Variants in TTC6 observed in about 807,000 individuals in gnomAD.
TTC6 encodes the protein tetratricopeptide repeat protein 6.
A neutral mutation model predicts 210.4 loss-of-function variants in TTC6; 172 were observed. The observed-to-expected ratio is 0.82, with a 90% CI of 0.72 to 0.93. The LOEUF is 0.93. TTC6 is among the 40% of genes least tolerant of loss of function. TTC6 has a pLI of 0.00. For synonymous variants in TTC6, 804 were observed against 819.6 expected, an observed-to-expected ratio of 0.98 and a Z score of 0.32; for missense variants, 2,414 against 2,318.1, an observed-to-expected ratio of 1.04 and a Z score of -0.85.
chr14:37,731,657 T>C (rs1260586425), intron 7 of TTC6, among the ~76,000 whole-genome samples: 1 of 152,228 alleles, frequency 6.6e-6, no homozygotes, highest in Non-Finnish European at 1.5e-5. Context: ...GTCAAAACTT[T>C]CAGTAACGAA....
chr14:37,622,082 A>T, exon 1 of TTC6: 1 of 1,530,048 alleles, frequency 6.5e-7, no homozygotes, highest in Non-Finnish European at 8.7e-7. Context: ...CAATCCCGAG[A>T]CACTTTGGCC....
rs1464251414 is a variant in TTC6 at position 37,753,088 on chromosome 14, T to C, written c.3130-11T>C. 13 of 1,523,600 alleles carry C rather than the reference T, an allele frequency of 8.5e-6. No individual in the cohort carries two copies. Among genetic ancestry groups the C allele is most frequent in the African/African-American group, 4.1e-5 (3 of 72,708 alleles). The allele number at this position is 1,523,600 out of a possible 1,614,324, so 94.4% of individuals were successfully genotyped here. ...TTTGTGATGTTTATGTACCTCCCGC[T>C]GTCCCTATAGTGTATTTTTTATGAT... On this transcript the variant is annotated splice_polypyrimidine_tract_variant and intron_variant, in intron 13 of 30. Transcript: ENST00000553443.
At chr14:37,686,320 A>C (rs1391366768) in intron 3 of TTC6, among the ~76,000 whole-genome samples, 1 of 152,200 alleles carries the variant, frequency 6.6e-6, no homozygotes, top group African/African-American at 2.4e-5. Flanking sequence ...CTCAATAAAC[A>C]TTAGTTATTG....
At chr14:37,793,850 A>G (rs189103927) in intron 17 of TTC6, among the ~76,000 whole-genome samples, 43 of 152,288 alleles carry the variant, frequency 2.8e-4, no homozygotes, top group South Asian at 2.5e-3. Context: ...GAATAGAACT[A>G]TGCTAGCTGA....
intron 29 of TTC6, among the ~76,000 whole-genome samples, chr14:37,835,611 G>T (rs2096195954): frequency 6.6e-6 from 1 of 152,028 alleles, no homozygotes; most frequent in South Asian, 2.1e-4. Flanking sequence ...TCTTCTCCAT[G>T]GATGTAAGTA....
exon 12 of TTC6, chr14:37,749,725 G>T: frequency 7.0e-7 from 1 of 1,428,768 alleles, no homozygotes; most frequent in Non-Finnish European, 9.1e-7. Flanking sequence ...TAATACTCTT[G>T]GAACCATTGT....
intron 14 of TTC6, among the ~76,000 whole-genome samples, chr14:37,779,517 A>G (rs1264562837): frequency 6.6e-6 from 1 of 152,206 alleles, no homozygotes; most frequent in African/African-American, 2.4e-5. Flanking sequence ...TATAGTGACT[A>G]CTATATTTCA....
At chr14:37,654,170 G>A (rs1377840380) in intron 1 of TTC6, among the ~76,000 whole-genome samples, 1 of 152,088 alleles carries the variant, frequency 6.6e-6, no homozygotes, top group Non-Finnish European at 1.5e-5. Flanking sequence ...TGGATCATGG[G>A]GATGGTTTTC....
At chr14:37,782,594 C>A (rs1192249530) in intron 14 of TTC6, among the ~76,000 whole-genome samples, 1 of 152,146 alleles carries the variant, frequency 6.6e-6, no homozygotes, top group Admixed American at 6.5e-5. Flanking sequence ...TTGACTTCCT[C>A]TTTTCCTAAT....
intron 15 of TTC6, among the ~76,000 whole-genome samples, chr14:37,789,036 A>G (rs1296406613): frequency 6.6e-6 from 1 of 152,150 alleles, no homozygotes; most frequent in Non-Finnish European, 1.5e-5. Flanking sequence ...TTAATTATCC[A>G]GAGCAGACAA....
chr14:37,638,550 C>T (rs963943578), intron 1 of TTC6, among the ~76,000 whole-genome samples: 5 of 145,532 alleles, frequency 3.4e-5, no homozygotes, highest in Admixed American at 7.0e-5. Context: ...CCACTGCCCC[C>T]GGCCTATATA....
chr14:37,616,491 T>G (rs2095642856), intron 2 of TTC6, among the ~76,000 whole-genome samples: 1 of 152,212 alleles, frequency 6.6e-6, no homozygotes, highest in Non-Finnish European at 1.5e-5. Context: ...TAAAAAAAAT[T>G]TCTCCAGACT....
At chr14:37,740,552 T>C (rs2095915832) in intron 10 of TTC6, among the ~76,000 whole-genome samples, 2 of 152,204 alleles carry the variant, frequency 1.3e-5, no homozygotes, top group African/African-American at 4.8e-5. Flanking sequence ...TTTCTTGAAA[T>C]GGTGACTTAT....
intron 14 of TTC6, among the ~76,000 whole-genome samples, chr14:37,757,404 G>A (rs2095971367): frequency 6.6e-6 from 1 of 151,994 alleles, no homozygotes; most frequent in African/African-American, 2.4e-5. Flanking sequence ...GGGACTACAG[G>A]TGTCTGCCAC....
chr14:37,622,141 G>A (rs1238327276), exon 1 of TTC6: 3 of 1,535,384 alleles, frequency 2.0e-6, no homozygotes, highest in Non-Finnish European at 8.7e-7. Context: ...GAGAAAGTTC[G>A]GCAGGAAACT....
intron 10 of TTC6, among the ~76,000 whole-genome samples, chr14:37,746,694 TCCA>T (rs2139003267): frequency 6.6e-6 from 1 of 152,252 alleles, no homozygotes; most frequent in African/African-American, 2.4e-5. Flanking sequence ...TGGCTGTGGC[TCCA>T]TGAGAGGGTT....
intron 3 of TTC6, among the ~76,000 whole-genome samples, chr14:37,693,911 A>G (rs2095809338): frequency 6.6e-6 from 1 of 152,136 alleles, no homozygotes; most frequent in Non-Finnish European, 1.5e-5. Flanking sequence ...ATGTCTCACC[A>G]TAGACAAAAT....
intron 17 of TTC6, among the ~76,000 whole-genome samples, chr14:37,792,777 TG>T (rs1446642710): frequency 1.2e-3 from 22 of 18,392 alleles, no homozygotes; most frequent in African/African-American, 2.6e-3. Context: ...GGTCCAATGT[TG>T]TGTGTGTGTG....
At chr14:37,826,876 G>GT (rs1360202942) in intron 28 of TTC6, among the ~76,000 whole-genome samples, 3 of 152,096 alleles carry the variant, frequency 2.0e-5, no homozygotes. Flanking sequence ...AAATAAGCCT[G>GT]TTAACTATTC....
Sources: allele counts gnomAD v4.1 joint callset (sites outside exome capture counted in the v4.1 genomes callset), GRCh38; gene constraint gnomAD v4.1.1; transcripts MANE v1.5; gene names NCBI Gene and HGNC (gene_info 2026-07-23, HGNC 2026-07-21).